GEMIN7: variants seen among roughly 807,000 people sequenced by gnomAD.
The protein encoded by GEMIN7 is gem-associated protein 7.
In GEMIN7, 7 loss-of-function variants were observed where a neutral mutation model predicts 7.8. The ratio of observed to expected loss-of-function variants is 0.90; its 90% CI spans 0.51 to 1.69. The LOEUF (loss-of-function observed/expected upper bound fraction) is 1.69, where lower values mean the gene tolerates loss of function less well. GEMIN7 is among the 40% of genes most tolerant of loss of function. The pLI is 0.00. For synonymous variants in GEMIN7, 68 were observed against 72.4 expected, an observed-to-expected ratio of 0.94 and a Z score of 0.31; for missense variants, 159 against 176.2, an observed-to-expected ratio of 0.90 and a Z score of 0.55.
At position 45,091,096 on chromosome 19, in the gene GEMIN7, G is replaced by C. The variant is rs540087092; in HGVS notation, c.*586G>C. ...GTCTCCTGGAAAGGCTGGAGTGACC[G>C]GCATGCCGGGATTGGGAGATTAGGA... is the stretch of plus-strand genomic sequence containing the variant. On this transcript the variant is annotated 3_prime_UTR_variant, in exon 3 of 3. Transcript: ENST00000270257. 6.0e-6 allele frequency: 1 copy of C among 167,728 alleles called. No homozygotes were observed. Among genetic ancestry groups the C allele is most frequent in the East Asian group, 1.9e-4 (1 of 5,194 alleles). The allele number at this position is 167,728 out of a possible 1,614,324, so 10.4% of individuals were successfully genotyped here.
intron 2 of GEMIN7, 91 bp from the exon 3 acceptor site, chr19:45,090,016 G>C: frequency 7.3e-7 from 1 of 1,369,524 alleles, no homozygotes. Context: ...GGAGCTGCCT[G>C]GTAGACCAGC....
rs1317142819 is a variant in GEMIN7 at position 45,090,760 on chromosome 19, G to A, written c.*250G>A. 1 of 470,646 alleles carries A rather than the reference G, an allele frequency of 2.1e-6. No individual in the cohort carries two copies. The highest frequency in any genetic ancestry group is 3.9e-6 in the Non-Finnish European group (1 of 253,498). 29.2% of individuals were successfully genotyped at this position (470,646 alleles called of 1,614,324 possible). A position where few individuals can be genotyped will look rare whatever the true frequency, so the allele number is the denominator to read the frequency against. ...GAACTCTGAACCCTACAGAAATATGGGCCTGCTGCCATTTCCTGAAGACCG... is the reference window on the plus strand; with the variant it reads ...GAACTCTGAACCCTACAGAAATATGAGCCTGCTGCCATTTCCTGAAGACCG... On this transcript the variant is annotated 3_prime_UTR_variant, in exon 3 of 3. Transcript: ENST00000270257.
intron 2 of GEMIN7, among the ~76,000 whole-genome samples, 155 bp downstream of exon 2, chr19:45,080,184 G>A (rs1336301454): frequency 6.6e-6 from 1 of 151,956 alleles, no homozygotes; most frequent in Non-Finnish European, 1.5e-5. Flanking sequence ...AGGCCTCTGG[G>A]GCCAGGTCAC....
upstream of GEMIN7, chr19:45,075,923 G>T (rs1285645611): frequency 1.2e-5 from 19 of 1,602,342 alleles, no homozygotes; most frequent in East Asian, 2.2e-5. Context: ...TGAGGGTGCT[G>T]AAGGAGAGGG....
chr19:45,090,364 G>A lies in GEMIN7; in HGVS notation c.250G>A (p.Glu84Lys), dbSNP rs1013501430. 7 of 1,614,032 alleles carry A rather than the reference G, an allele frequency of 4.3e-6. No homozygotes were observed. The highest frequency in any genetic ancestry group is 2.2e-5 in the East Asian group (1 of 44,894). Reference protein sequence around the residue: ...VGHQVSFTLHEGVRVAAHFGA... With the variant: ...VGHQVSFTLHKGVRVAAHFGA... ...TCATCAGGTGAGCTTCACGTTGCAC[G>A]AGGGTGTGCGTGTGGCCGCCCACTT... The change falls in exon 3 of 3, where the codon GAG becomes AAG. Residue 84 changes from glutamate (E) to lysine (K), a missense_variant. Physicochemically the swap from Glu to Lys is moderately conservative, Grantham distance 56. Transcript: ENST00000270257.
intron 2 of GEMIN7, among the ~76,000 whole-genome samples, chr19:45,088,041 G>A (rs979228307): frequency 1.4e-5 from 2 of 145,446 alleles, no homozygotes; most frequent in Admixed American, 1.4e-4. Context: ...TGCTTCCCAA[G>A]TTCAAGTGAC....
chr19:45,081,116 A>G (rs537058763), intron 2 of GEMIN7, among the ~76,000 whole-genome samples: 5 of 152,208 alleles, frequency 3.3e-5, no homozygotes, highest in East Asian at 3.9e-4. Context: ...AGCGTGGGCA[A>G]TACAGCGAGA....
At chr19:45,086,812 G>A (rs1201025575) in intron 2 of GEMIN7, among the ~76,000 whole-genome samples, 2 of 151,900 alleles carry the variant, frequency 1.3e-5, no homozygotes, top group East Asian at 1.9e-4. Context: ...CAGCTAAACC[G>A]GCCTGGGATC....
Position 45,088,936 on chromosome 19 carries a change from CTT to C in GEMIN7, c.-8-1158_-8-1157del, listed in dbSNP as rs368470130. 7.7e-3 allele frequency among the ~76,000 whole-genome samples: 1,107 copies of C among 143,198 alleles called. 16 individuals carry two copies. Among genetic ancestry groups the C allele is most frequent in the African/African-American group, 0.027 (1,046 of 38,612 alleles). The allele number at this position is 143,198 out of a possible 152,430, so 93.9% of individuals were successfully genotyped here. A position where few individuals can be genotyped will look rare whatever the true frequency, so the allele number is the denominator to read the frequency against. ...ATACTTCATCAAACTCCCATCCATGCTTTTTTTTTTTTTTCTTTTTTTTGACA... is the reference window on the plus strand; with the variant it reads ...ATACTTCATCAAACTCCCATCCATGCTTTTTTTTTTTTCTTTTTTTTGACA... On this transcript the variant is annotated intron_variant, in intron 2 of 2. Transcript: ENST00000270257.
In GEMIN7 at chr19:45,090,238, C is replaced by T; in HGVS notation, c.124C>T (p.Gln42Ter). 1 of 1,614,186 alleles carries T rather than the reference C, an allele frequency of 6.2e-7. No homozygotes were observed. Among genetic ancestry groups the T allele is most frequent in the South Asian group, 1.1e-5 (1 of 91,090 alleles). The stretch of plus-strand genomic sequence containing the variant: ...CTTGAGGCCAGAGGTTCCTGAAATC[C>T]AGGAGTGTCCCATAGCTCAAGAATC... ...APLRPEVPEI[Q>*]ECPIAQESLE... is the part of the protein sequence containing the mutation. The change falls in exon 3 of 3, where the codon CAG (glutamine) becomes TAG (stop). Residue 42 changes from glutamine (Q) to a stop codon, truncating the protein, a stop_gained. Coordinates refer to ENST00000270257, the MANE Select transcript of GEMIN7 (RefSeq NM_024707.3). LOFTEE classifies it high-confidence loss of function.
At chr19:45,075,990 A>T, upstream of GEMIN7, 1 of 1,571,038 alleles carries the variant, frequency 6.4e-7, no homozygotes, top group Admixed American at 2.0e-5. Context: ...GAGATAAGGC[A>T]GGGCGAGGGG....
At position 45,090,720 on chromosome 19, in the gene GEMIN7, A is replaced by T; in HGVS notation, c.*210A>T. On this transcript the variant is annotated 3_prime_UTR_variant, in exon 3 of 3. Coordinates refer to ENST00000270257, the MANE Select transcript of GEMIN7 (RefSeq NM_024707.3). ...GAATTCTAAGATCCCATTGGAAGGA[A>T]TGCTCTACCTCACAGAACTCTGAAC... The T allele has an allele frequency of 1.7e-6, 1 of 582,090 alleles. No homozygotes were observed. Among genetic ancestry groups the T allele is most frequent in the Non-Finnish European group, 3.1e-6 (1 of 317,956 alleles). 36.1% of individuals were successfully genotyped at this position (582,090 alleles called of 1,614,324 possible).
chr19:45,084,519 C>T (rs1308135215), intron 2 of GEMIN7, among the ~76,000 whole-genome samples: 2 of 152,166 alleles, frequency 1.3e-5, no homozygotes, highest in African/African-American at 4.8e-5. Context: ...TCTTATGCCT[C>T]AGCCTCCTGA....
At chr19:45,078,616 AT>A, upstream of GEMIN7, among the ~76,000 whole-genome samples, 1 of 152,302 alleles carries the variant, frequency 6.6e-6, no homozygotes, top group Admixed American at 6.5e-5. Flanking sequence ...TTCAACAGAT[AT>A]TTGCAGAGCA....
At chr19:45,077,892 CA>C (rs1967387784), upstream of GEMIN7, among the ~76,000 whole-genome samples, 1 of 148,782 alleles carries the variant, frequency 6.7e-6, no homozygotes, top group Non-Finnish European at 1.5e-5. Flanking sequence ...TTTAATTTTT[CA>C]AAAAAAATTA....
chr19:45,084,213 CAAAA>C (rs35661833), intron 2 of GEMIN7, among the ~76,000 whole-genome samples: 2 of 74,502 alleles, frequency 2.7e-5, no homozygotes, highest in East Asian at 5.4e-4. Context: ...CTCCATCTCA[CAAAA>C]AAAAAAAAAA....
At chr19:45,089,921 T>C (rs1967833410) in intron 2 of GEMIN7, 186 bp from the exon 3 acceptor site, 1 of 593,700 alleles carries the variant, frequency 1.7e-6, no homozygotes, top group Admixed American at 3.0e-5. Flanking sequence ...TTTTTGTGCA[T>C]GTGACACTTT....
upstream of GEMIN7, among the ~76,000 whole-genome samples, chr19:45,079,013 C>T (rs77613193): frequency 9.4e-3 from 1,425 of 152,356 alleles, 21 homozygotes; most frequent in African/African-American, 0.033. Flanking sequence ...CTTCCCCTCT[C>T]TGAACCTCAG....
chr19:45,075,669 C>T, upstream of GEMIN7: 1 of 1,603,596 alleles, frequency 6.2e-7, no homozygotes, highest in Non-Finnish European at 8.5e-7. Flanking sequence ...GCAGGAAGCC[C>T]AGCCCTCGAA....
Sources: gnomAD v4.1 joint callset for allele counts (sites outside exome capture counted in the v4.1 genomes callset) on GRCh38, gnomAD v4.1.1 for gene constraint, MANE v1.5 for transcripts, NCBI Gene and HGNC (gene_info 2026-07-23, HGNC 2026-07-21) for gene names.